Variants in PPIL2 observed in about 807,000 individuals in gnomAD.
The protein encoded by PPIL2 is RING-type E3 ubiquitin-protein ligase PPIL2.
In PPIL2, 50 loss-of-function variants were observed where a neutral mutation model predicts 75.2. The ratio of observed to expected loss-of-function variants is 0.66; its 90% CI spans 0.53 to 0.84. The LOEUF (loss-of-function observed/expected upper bound fraction) is 0.84. PPIL2 is among the 40% of genes least tolerant of loss of function. PPIL2 has a pLI of 0.00. For synonymous variants in PPIL2, 245 were observed against 258.8 expected, an observed-to-expected ratio of 0.95 and a Z score of 0.51; for missense variants, 590 against 685.0, an observed-to-expected ratio of 0.86 and a Z score of 1.55.
intron 5 of PPIL2, chr22:21,673,383 G>C (rs1373847809): frequency 6.5e-6 from 1 of 153,088 alleles, no homozygotes; most frequent in East Asian, 1.9e-4. Flanking sequence ...GGAGCAGCCT[G>C]GTGGCAAGGT....
Position 21,695,033 on chromosome 22 carries a change from C to T in PPIL2, c.1429C>T (p.Arg477Cys), listed in dbSNP as rs767679035. 8.7e-6 allele frequency: 14 copies of T among 1,612,040 alleles called. No homozygotes were observed. Among genetic ancestry groups the T allele is most frequent in the Admixed American group, 8.3e-5 (5 of 59,960 alleles). Reference protein sequence around the residue: ...QAGSQGPQTFRQGVGKYINPA... With the variant: ...QAGSQGPQTFCQGVGKYINPA... ...AGGGAGCCAGGGCCCCCAGACCTTC[C>T]GCCAGGGCGTGGGCAAGTACATCAA... The change falls in exon 19 of 20, where the codon CGC (arginine) becomes TGC (cysteine). Residue 477 changes from arginine (R) to cysteine (C), a missense_variant. By Grantham distance (180) the Arg-to-Cys change is radical (BLOSUM62 -3). Coordinates refer to ENST00000398831, the MANE Select transcript of PPIL2 (RefSeq NM_014337.4).
intron 12 of PPIL2, among the ~76,000 whole-genome samples, chr22:21,687,354 GA>G (rs1234419948): frequency 1.3e-5 from 2 of 152,118 alleles, no homozygotes; most frequent in East Asian, 3.9e-4. Context: ...ACATGTTAAA[GA>G]CCAGCCTGGC....
chr22:21,698,417 C>T (rs1318138624), downstream of PPIL2: 1 of 152,298 alleles, frequency 6.6e-6, no homozygotes, highest in Non-Finnish European at 1.5e-5. Flanking sequence ...TTAGTATATA[C>T]AAAAACCACT....
At position 21,676,309 on chromosome 22, in the gene PPIL2, TTG is replaced by T. The variant is rs61112126; in HGVS notation, c.295+1224_295+1225del. 5.5e-3 allele frequency among the ~76,000 whole-genome samples: 676 copies of T among 123,056 alleles called. 1 individual carries two copies. Among genetic ancestry groups the T allele is most frequent in the Middle Eastern group, 0.012 (3 of 244 alleles). The allele number at this position is 123,056 out of a possible 152,430, so 80.7% of individuals were successfully genotyped here. A position where few individuals can be genotyped will look rare whatever the true frequency, so the allele number is the denominator to read the frequency against. Reference sequence around the variant, plus strand: ...TTCAGCAAATATTTATTTATTTATTTTGTGTGTGTGTGTGTGTGTGTGTGTGT... The same window carrying T: ...TTCAGCAAATATTTATTTATTTATTTTGTGTGTGTGTGTGTGTGTGTGTGT... On this transcript the variant is annotated intron_variant, in intron 6 of 19. Transcript: ENST00000398831.
At chr22:21,693,757 A>G in intron 15 of PPIL2, 59 bp from the exon 16 acceptor site, 1 of 1,490,258 alleles carries the variant, frequency 6.7e-7, no homozygotes, top group Non-Finnish European at 9.4e-7. Context: ...GTGTGCTCTT[A>G]GGCAGGCCAG....
At chr22:21,686,359 G>C in intron 10 of PPIL2, 124 bp from the exon 11 acceptor site, 1 of 892,736 alleles carries the variant, frequency 1.1e-6, no homozygotes, top group Non-Finnish European at 1.8e-6. Flanking sequence ...CCTCCTGGAG[G>C]AGAGGCACCA....
rs59106859 is a variant in PPIL2 at position 21,688,611 on chromosome 22, A to C, written c.1022-121A>C. On this transcript the variant is annotated intron_variant, in intron 14 of 19. Transcript: ENST00000398831. Reference sequence around the variant, plus strand: ...GCGTGGGGCTGGGAGCCTCCCTATCAAGTGCCCCTGCCCCAGGCTGGGCTC... The same window carrying C: ...GCGTGGGGCTGGGAGCCTCCCTATCCAGTGCCCCTGCCCCAGGCTGGGCTC... 44 of 903,072 alleles carry C rather than the reference A, an allele frequency of 4.9e-5. No homozygotes were observed. In the East Asian group the frequency reaches 9.2e-4, roughly 19 times the overall value. 55.9% of individuals were successfully genotyped at this position (903,072 alleles called of 1,614,324 possible).
chr22:21,674,255 TTCC>T (rs1332234691), intron 5 of PPIL2, among the ~76,000 whole-genome samples: 1 of 152,162 alleles, frequency 6.6e-6, no homozygotes, highest in East Asian at 1.9e-4. Context: ...CCCCCAGCAG[TTCC>T]CACCTCCGGT....
At chr22:21,675,404 C>G (rs555790077) in intron 6 of PPIL2, among the ~76,000 whole-genome samples, 1 of 152,096 alleles carries the variant, frequency 6.6e-6, no homozygotes, top group African/African-American at 2.4e-5. Flanking sequence ...GGCATGGTGG[C>G]GGGCGCCTGT....
At chr22:21,683,370 A>T in intron 9 of PPIL2, 113 bp downstream of exon 9, 1 of 871,298 alleles carries the variant, frequency 1.1e-6, no homozygotes, top group Non-Finnish European at 1.8e-6. Context: ...CAGCCCAGAC[A>T]GGCCCTGCAT....
At chr22:21,684,401 G>A (rs774846261) in intron 9 of PPIL2, among the ~76,000 whole-genome samples, 9 of 130,418 alleles carry the variant, frequency 6.9e-5, no homozygotes, top group East Asian at 2.2e-4. Context: ...GCAGTGAGCC[G>A]AGATTGCACC....
chr22:21,697,046 G>A lies in PPIL2; in HGVS notation c.*1556G>A. 1.3e-6 allele frequency: 2 copies of A among 1,509,206 alleles called. No individual in the cohort carries two copies. Among genetic ancestry groups the A allele is most frequent in the East Asian group, 2.4e-5 (1 of 40,872 alleles). The allele number at this position is 1,509,206 out of a possible 1,614,324, so 93.5% of individuals were successfully genotyped here. ...CTGTCATCCCTGTCTGTGACCATTGGTCGGGCCCCTGGGCTCTAGAGTGAC... is the reference window on the plus strand; with the variant it reads ...CTGTCATCCCTGTCTGTGACCATTGATCGGGCCCCTGGGCTCTAGAGTGAC... On this transcript the variant is annotated 3_prime_UTR_variant, in exon 20 of 20. Coordinates refer to ENST00000398831, the MANE Select transcript of PPIL2 (RefSeq NM_014337.4).
chr22:21,680,829 CAAAAAAAAA>C (rs762340467), intron 6 of PPIL2, among the ~76,000 whole-genome samples: 42 of 50,818 alleles, frequency 8.3e-4, no homozygotes, highest in African/African-American at 3.4e-3. Flanking sequence ...GACTCCATCT[CAAAAAAAAA>C]AAAAAAAAAA....
At chr22:21,670,647 T>G (rs774834343) in intron 3 of PPIL2, 36 bp downstream of exon 3, 1 of 1,570,576 alleles carries the variant, frequency 6.4e-7, no homozygotes, top group Non-Finnish European at 8.8e-7. Flanking sequence ...CCCTTGTAAT[T>G]GTTCTCTGAT....
intron 5 of PPIL2, among the ~76,000 whole-genome samples, chr22:21,673,002 G>A: frequency 6.6e-6 from 1 of 152,196 alleles, no homozygotes. Flanking sequence ...GGGGCTGCAG[G>A]GTTCTGGGGA....
At chr22:21,681,487 C>T in intron 7 of PPIL2, 97 bp downstream of exon 7, 10 of 1,115,032 alleles carry the variant, frequency 9.0e-6, no homozygotes, top group Non-Finnish European at 1.2e-5. Flanking sequence ...CGTGTACGGC[C>T]TGTCCTCGTG....
chr22:21,668,995 G>A (rs1282910433), intron 1 of PPIL2, among the ~76,000 whole-genome samples: 1 of 148,468 alleles, frequency 6.7e-6, no homozygotes, highest in East Asian at 2.0e-4. Flanking sequence ...ACAGGTGTGA[G>A]CCACCGTGCC....
chr22:21,686,633 C>T, intron 11 of PPIL2, 75 bp downstream of exon 11: 2 of 1,447,242 alleles, frequency 1.4e-6, no homozygotes, highest in East Asian at 2.3e-5. Context: ...TCCCCGACTC[C>T]CACTTTATTG....
At chr22:21,671,139 G>A (rs2066617505) in intron 4 of PPIL2, 80 bp downstream of exon 4, 6 of 1,358,896 alleles carry the variant, frequency 4.4e-6, no homozygotes, top group Middle Eastern at 3.6e-4. Context: ...TGGTACCCTT[G>A]GGTAGGGCTC....
Sources: allele counts gnomAD v4.1 joint callset (sites outside exome capture counted in the v4.1 genomes callset), GRCh38; gene constraint gnomAD v4.1.1; transcripts MANE v1.5; gene names NCBI Gene and HGNC (gene_info 2026-07-23, HGNC 2026-07-21).